Variants in TSPAN9 observed in about 807,000 individuals in gnomAD.
TSPAN9 encodes tetraspanin-9.
Under a neutral mutation model 31.0 loss-of-function variants are expected in TSPAN9, and 16 were observed. The ratio of observed to expected loss-of-function variants is 0.52; its 90% CI spans 0.35 to 0.78. The LOEUF is 0.78. Among genes scored for constraint, TSPAN9 ranks in the 30% least tolerant of loss-of-function variants. TSPAN9 has a pLI of 0.01. For synonymous variants in TSPAN9, 145 were observed against 121.6 expected, an observed-to-expected ratio of 1.19 and a Z score of -1.27; for missense variants, 272 against 312.5, an observed-to-expected ratio of 0.87 and a Z score of 0.98.
intron 2 of TSPAN9, among the ~76,000 whole-genome samples, chr12:3,135,128 G>A (rs916025924): frequency 1.3e-5 from 2 of 152,158 alleles, no homozygotes; most frequent in Non-Finnish European, 2.9e-5. Context: ...TGTCACCCAA[G>A]CTAGAGTGCA....
intron 3 of TSPAN9, among the ~76,000 whole-genome samples, chr12:3,274,797 G>A (rs964119476): frequency 2.0e-5 from 3 of 152,260 alleles, no homozygotes; most frequent in Admixed American, 6.5e-5. Flanking sequence ...GTGGCAGTGG[G>A]GATGTGCGTG....
At chr12:3,111,537 T>C (rs1157268682) in intron 2 of TSPAN9, among the ~76,000 whole-genome samples, 1 of 152,116 alleles carries the variant, frequency 6.6e-6, no homozygotes, top group Non-Finnish European at 1.5e-5. Context: ...TGCTCTCCTT[T>C]ACTGTGTGAC....
At chr12:3,132,127 C>T (rs898547187) in intron 2 of TSPAN9, among the ~76,000 whole-genome samples, 7 of 152,196 alleles carry the variant, frequency 4.6e-5, no homozygotes, top group Admixed American at 2.0e-4. Context: ...GAATACTACT[C>T]CATTATACCT....
intron 3 of TSPAN9, among the ~76,000 whole-genome samples, chr12:3,210,173 C>A (rs1464663171): frequency 6.6e-6 from 1 of 151,756 alleles, no homozygotes; most frequent in Non-Finnish European, 1.5e-5. Flanking sequence ...AAGCATGAAG[C>A]AGTTCCATGG....
intron 2 of TSPAN9, among the ~76,000 whole-genome samples, chr12:3,144,453 G>A (rs2098336224): frequency 6.6e-6 from 1 of 152,182 alleles, no homozygotes; most frequent in Admixed American, 6.5e-5. Context: ...TGATGACAGA[G>A]ACGGAGGCAC....
intron 3 of TSPAN9, among the ~76,000 whole-genome samples, chr12:3,263,113 G>A (rs1049123456): frequency 1.2e-4 from 18 of 152,330 alleles, no homozygotes; most frequent in East Asian, 1.2e-3. Context: ...ACTTAGCCTC[G>A]GAGGCCTCTG....
At chr12:3,229,520 C>T (rs1037505907) in intron 3 of TSPAN9, among the ~76,000 whole-genome samples, 4 of 152,258 alleles carry the variant, frequency 2.6e-5, no homozygotes, top group African/African-American at 9.6e-5. Context: ...TTTCCCCTTG[C>T]CTCTGGCCTG....
intron 2 of TSPAN9, among the ~76,000 whole-genome samples, chr12:3,097,604 TCTG>T (rs2098309772): frequency 6.6e-6 from 1 of 152,154 alleles, no homozygotes. Flanking sequence ...CTCTTCCTCT[TCTG>T]TGACTTCCTG....
At chr12:3,264,847 CA>C (rs1195320166) in intron 3 of TSPAN9, among the ~76,000 whole-genome samples, 1 of 152,182 alleles carries the variant, frequency 6.6e-6, no homozygotes, top group Admixed American at 6.5e-5. Context: ...ACATGAGCAC[CA>C]GAGAAAAAGT....
chr12:3,172,497 G>T lies in TSPAN9; in HGVS notation c.-17-28680G>T, dbSNP rs1300643583. 1 of 152,206 alleles carries T rather than the reference G, an allele frequency of 6.6e-6. No individual in the cohort carries two copies. Among genetic ancestry groups the T allele is most frequent in the Non-Finnish European group, 1.5e-5 (1 of 68,038 alleles). The allele number at this position is 152,206 out of a possible 1,614,324, so 9.4% of individuals were successfully genotyped here. On this transcript the variant is annotated intron_variant, in intron 2 of 8. Coordinates refer to ENST00000011898, the MANE Select transcript of TSPAN9 (RefSeq NM_006675.5). The surrounding 1 kb of genome is among the most constrained non-coding windows in gnomAD (Gnocchi z 4.8). ...CGGGTGCTCGTGTCACTCACCGGGG[G>T]AACTTAAACGCCGCTTGCTGAGTCC...
At chr12:3,240,753 C>T (rs1361135277) in intron 3 of TSPAN9, among the ~76,000 whole-genome samples, 1 of 152,164 alleles carries the variant, frequency 6.6e-6, no homozygotes, top group East Asian at 1.9e-4. Flanking sequence ...ATATGAACTT[C>T]TGTGATTTAA....
At chr12:3,099,703 A>G (rs2153964260) in intron 2 of TSPAN9, among the ~76,000 whole-genome samples, 1 of 152,276 alleles carries the variant, frequency 6.6e-6, no homozygotes, top group East Asian at 1.9e-4. Context: ...AGTTTCATAC[A>G]TTTGAGGTTT....
chr12:3,220,024 A>G (rs1473255475), intron 3 of TSPAN9, among the ~76,000 whole-genome samples: 1 of 152,004 alleles, frequency 6.6e-6, no homozygotes, highest in Non-Finnish European at 1.5e-5. Context: ...GCATGCTTGT[A>G]GTCCCAGCTG....
chr12:3,141,047 G>A (rs188184836), intron 2 of TSPAN9, among the ~76,000 whole-genome samples: 13 of 152,008 alleles, frequency 8.6e-5, no homozygotes, highest in African/African-American at 2.7e-4. Flanking sequence ...TCCATGCATG[G>A]GGCCAGAGGG....
chr12:3,197,681 C>CCACCAGCACAGGTCA (rs1235476453), intron 2 of TSPAN9, among the ~76,000 whole-genome samples: 11 of 149,600 alleles, frequency 7.4e-5, no homozygotes, highest in African/African-American at 2.5e-4. Context: ...GCACAGGTCA[C>CCACCAGCACAGGTCA]CACCAGCACA....
At chr12:3,164,739 C>T (rs73051870) in intron 2 of TSPAN9, among the ~76,000 whole-genome samples, 10,298 of 152,274 alleles carry the variant, frequency 0.068, 453 homozygotes, top group Middle Eastern at 0.12. Flanking sequence ...TGCAACCAGA[C>T]TGAGCCTGCT....
intron 3 of TSPAN9, among the ~76,000 whole-genome samples, chr12:3,203,339 ATGT>A (rs566614629): frequency 5.5e-4 from 83 of 152,278 alleles, no homozygotes; most frequent in African/African-American, 1.9e-3. Flanking sequence ...AATCCACAAC[ATGT>A]TGTCATGTGG....
rs1365603646 is a variant in TSPAN9, at chr12:3,187,754, C to T, written c.-17-13423C>T. Among the ~76,000 whole-genome samples, 1 of 152,100 alleles carries T rather than the reference C, an allele frequency of 6.6e-6. No homozygotes were observed. The highest frequency in any genetic ancestry group is 1.5e-5 in the Non-Finnish European group (1 of 68,030). On this transcript the variant is annotated intron_variant, in intron 2 of 8. Transcript: ENST00000011898. This position sits in a 1 kb window ranked among gnomAD's most constrained non-coding sequence, Gnocchi z 5.2. ...CGCAGGCCTCTCTCTCCTCTGTCCT[C>T]ATTCTGTTTGGATGCCATGCAAGCC...
chr12:3,207,870 A>G (rs1000585742), intron 3 of TSPAN9, among the ~76,000 whole-genome samples: 1 of 152,160 alleles, frequency 6.6e-6, no homozygotes, highest in Non-Finnish European at 1.5e-5. Flanking sequence ...ACTAGAGTGG[A>G]TGTTCGCATC....
Sources: gnomAD v4.1 joint callset for allele counts (sites outside exome capture counted in the v4.1 genomes callset) on GRCh38, gnomAD v4.1.1 for gene constraint, Gnocchi (gnomAD v3.1) non-coding constraint, MANE v1.5 for transcripts, NCBI Gene and HGNC (gene_info 2026-07-23, HGNC 2026-07-21) for gene names.